Variants in THBS4 observed in about 807,000 individuals in gnomAD.
THBS4 encodes thrombospondin-4.
THBS4 carries 90 observed loss-of-function variants against 115.7 expected under a neutral mutation model. The ratio of observed to expected loss-of-function variants is 0.78; its 90% confidence interval spans 0.66 to 0.93. The LOEUF is 0.93. Ranked by LOEUF, THBS4 falls within the 40% of genes least tolerant of loss-of-function variation. THBS4 has a pLI of 0.00. For synonymous variants in THBS4, 460 were observed against 479.3 expected (o/e 0.96, Z 0.53); for missense variants, 1,087 against 1,232.7 (o/e 0.88, Z 1.77).
chr5:80,080,174 G>T, intron 20 of THBS4, 97 bp downstream of exon 20: 1 of 1,392,860 alleles, frequency 7.2e-7, no homozygotes, highest in Non-Finnish European at 9.7e-7. Flanking sequence ...TTCTGACCTA[G>T]GATAGTCCCC....
At chr5:80,061,229 G>A (rs2112103031) in intron 7 of THBS4, among the ~76,000 whole-genome samples, 1 of 152,310 alleles carries the variant, frequency 6.6e-6, no homozygotes, top group East Asian at 1.9e-4. Flanking sequence ...AGGACATGGA[G>A]GCAGGCACAG....
intron 2 of THBS4, among the ~76,000 whole-genome samples, chr5:80,029,177 T>C (rs575635100): frequency 2.1e-4 from 32 of 152,234 alleles, no homozygotes; most frequent in African/African-American, 7.7e-4. Flanking sequence ...TTCATGTAAT[T>C]TTCGTGTATT....
At chr5:80,009,575 A>G (rs186102684) in intron 2 of THBS4, among the ~76,000 whole-genome samples, 1 of 152,142 alleles carries the variant, frequency 6.6e-6, no homozygotes, top group African/African-American at 2.4e-5. Flanking sequence ...AATTTCCAGC[A>G]TAATCCTGTT....
At chr5:80,015,380 T>C (rs191738186) in intron 2 of THBS4, among the ~76,000 whole-genome samples, 1 of 152,258 alleles carries the variant, frequency 6.6e-6, no homozygotes, top group Non-Finnish European at 1.5e-5. Flanking sequence ...GGCCTAGTCA[T>C]GGTGGGAGAC....
At chr5:80,074,635 T>A (rs1039383753) in intron 15 of THBS4, among the ~76,000 whole-genome samples, 1 of 151,816 alleles carries the variant, frequency 6.6e-6, no homozygotes, top group African/African-American at 2.4e-5. Flanking sequence ...TCTTTTTTTT[T>A]TTTTTTGAGA....
intron 2 of THBS4, among the ~76,000 whole-genome samples, chr5:80,024,611 A>AT (rs1832439534): frequency 6.6e-6 from 1 of 152,232 alleles, no homozygotes; most frequent in African/African-American, 2.4e-5. Flanking sequence ...TCTCCAGATC[A>AT]TACATAGCAT....
chr5:80,048,079 C>T (rs981149786), intron 2 of THBS4, among the ~76,000 whole-genome samples: 2 of 152,130 alleles, frequency 1.3e-5, no homozygotes, highest in Non-Finnish European at 1.5e-5. Context: ...CATGCCACTG[C>T]ACTCCAGCCT....
At chr5:80,070,257 T>C (rs256439) in intron 10 of THBS4, 49 bp from the exon 11 acceptor site, 386,673 of 1,489,792 alleles carry the variant, frequency 0.26, 50,940 homozygotes, top group African/African-American at 0.28. Flanking sequence ...GCCACCAGCT[T>C]CCTGCCAGGC....
At chr5:80,008,584 A>G (rs1832061492) in intron 2 of THBS4, among the ~76,000 whole-genome samples, 1 of 152,144 alleles carries the variant, frequency 6.6e-6, no homozygotes, top group African/African-American at 2.4e-5. Context: ...GATCCAAAGT[A>G]CATATGATAG....
intron 17 of THBS4, 197 bp from the exon 18 acceptor site, chr5:80,078,724 C>CT (rs1367463961): frequency 1.1e-4 from 59 of 515,898 alleles, no homozygotes; most frequent in South Asian, 1.4e-4. Context: ...CAGCTTTGAG[C>CT]TTTTTTTTAA....
chr5:80,044,138 C>T (rs1417788119), intron 2 of THBS4, among the ~76,000 whole-genome samples: 1 of 152,178 alleles, frequency 6.6e-6, no homozygotes, highest in African/African-American at 2.4e-5. Context: ...TGACTTTGTA[C>T]CTCTTAAGGA....
At position 80,070,357 on chromosome 5, in the gene THBS4, A is replaced by G. The variant is rs774680940; in HGVS notation, c.1399A>G (p.Ile467Val). The G allele has an allele frequency of 1.2e-5, 19 of 1,611,948 alleles. No homozygotes were observed. Among genetic ancestry groups the G allele is most frequent in the Admixed American group, 3.3e-5 (2 of 59,794 alleles). Reference sequence around the variant, plus strand: ...CTATATCTGTGGAAAGGATGTGGACATCGACAGTTACCCCGACGAAGAACT... The same window carrying G: ...CTATATCTGTGGAAAGGATGTGGACGTCGACAGTTACCCCGACGAAGAACT... ...DGYICGKDVD[I>V]DSYPDEELPC... is the part of the protein sequence containing the mutation. Residue 467 changes from isoleucine to valine, a missense_variant, in exon 11 of 22, where the codon ATC becomes GTC. Around this residue, in one of 3 missense-constraint regions of THBS4, gnomAD observed 979 missense variants for 1,103.7 expected, o/e 0.89. Coordinates refer to ENST00000350881, the MANE Select transcript of THBS4 (RefSeq NM_003248.6).
chr5:80,075,802 C>G (rs1743177818), intron 15 of THBS4, among the ~76,000 whole-genome samples: 1 of 152,194 alleles, frequency 6.6e-6, no homozygotes, highest in African/African-American at 2.4e-5. Flanking sequence ...TAAAGCAGAC[C>G]TGCTGCATGC....
In THBS4 at chr5:80,054,157, T is replaced by C. The variant is rs1833343458; in HGVS notation, c.293-1628T>C. On this transcript the variant is annotated intron_variant, in intron 2 of 21. Transcript: ENST00000350881. ...AACCATGGATACCTTTTCTTTTCTTTTCTTTTTTTTTTTTTTTGAGACAGG... is the reference window on the plus strand; with the variant it reads ...AACCATGGATACCTTTTCTTTTCTTCTCTTTTTTTTTTTTTTTGAGACAGG... Among the ~76,000 whole-genome samples the C allele has an allele frequency of 4.8e-5, 3 of 62,300 alleles. No individual in the cohort carries two copies. The South Asian group carries it at 1.6e-3, about 32-fold the overall frequency. 40.9% of individuals were successfully genotyped at this position (62,300 alleles called of 152,430 possible).
intron 8 of THBS4, among the ~76,000 whole-genome samples, chr5:80,064,574 C>CA (rs1350356644): frequency 1.3e-5 from 2 of 152,074 alleles, no homozygotes; most frequent in African/African-American, 4.8e-5. Context: ...AAAATACACA[C>CA]AAAAAAATTA....
intron 2 of THBS4, 88 bp downstream of exon 2, chr5:80,040,368 T>C: frequency 9.1e-7 from 1 of 1,093,194 alleles, no homozygotes; most frequent in Non-Finnish European, 1.3e-6. Context: ...ATGGTTTCCT[T>C]GTACAATTAT....
At chr5:80,043,377 A>T (rs1263714155) in intron 2 of THBS4, among the ~76,000 whole-genome samples, 1 of 152,208 alleles carries the variant, frequency 6.6e-6, no homozygotes, top group African/African-American at 2.4e-5. Flanking sequence ...AGTGGTGGCC[A>T]TGCTGACTTG....
At chr5:80,073,962 GC>G (rs1743052550) in intron 15 of THBS4, among the ~76,000 whole-genome samples, 1 of 152,148 alleles carries the variant, frequency 6.6e-6, no homozygotes, top group African/African-American at 2.4e-5. Context: ...TCTCTTACAT[GC>G]CAGCTAACCT....
chr5:80,030,123 G>A (rs2112003723), intron 2 of THBS4, among the ~76,000 whole-genome samples: 1 of 152,206 alleles, frequency 6.6e-6, no homozygotes, highest in Non-Finnish European at 1.5e-5. Flanking sequence ...AAACTAAATA[G>A]GAGTCCAAAG....
Sources: allele counts gnomAD v4.1 joint callset (sites outside exome capture counted in the v4.1 genomes callset), GRCh38; gene constraint gnomAD v4.1.1; regional missense constraint gnomAD v4.1.1; transcripts MANE v1.5; gene names NCBI Gene and HGNC (gene_info 2026-07-23, HGNC 2026-07-21).